A2M: variants seen among roughly 807,000 people sequenced by gnomAD.
The protein encoded by A2M is alpha-2-macroglobulin.
Under a neutral mutation model 183.9 loss-of-function variants are expected in A2M, and 128 were observed. The ratio of observed to expected loss-of-function variants is 0.70; its 90% CI spans 0.60 to 0.81. The LOEUF (loss-of-function observed/expected upper bound fraction) is 0.81. Among genes scored for constraint, A2M ranks in the 30% least tolerant of loss-of-function variants. The probability of loss-of-function intolerance (pLI) is 0.00; values close to 1 mark genes in which losing one functional copy is unlikely to be tolerated. For missense variants in A2M, 1,495 were observed against 1,787.6 expected (o/e 0.84, Z 2.95); for synonymous variants, 592 against 670.8 (o/e 0.88, Z 1.81).
chr12:9,087,014 T>G (rs1164956997), intron 22 of A2M, among the ~76,000 whole-genome samples: 1 of 151,884 alleles, frequency 6.6e-6, no homozygotes, highest in Admixed American at 6.5e-5. Context: ...GAGAAAGAAA[T>G]AAAAACAATC....
At chr12:9,107,861 CT>C (rs1408088798) in intron 7 of A2M, among the ~76,000 whole-genome samples, 5 of 151,782 alleles carry the variant, frequency 3.3e-5, no homozygotes, top group East Asian at 1.9e-4. Context: ...TTTATCATTT[CT>C]TTTTTTTCCT....
In A2M at chr12:9,080,058, G is replaced by A. The variant is rs1168234318; in HGVS notation, c.2854+36C>T. 5 of 1,367,926 alleles carry A rather than the reference G, an allele frequency of 3.7e-6. No homozygotes were observed. In the African/African-American group the frequency reaches 5.9e-5, roughly 16 times the overall value. 84.7% of individuals were successfully genotyped at this position (1,367,926 alleles called of 1,614,324 possible). The stretch of plus-strand genomic sequence containing the variant: ...AAATAAAAATAGTATAATAGAAGCT[G>A]TTAATGCCCGGATCCACTAGGGGCT... On this transcript the variant is annotated intron_variant, in intron 23 of 35. Transcript: ENST00000318602.
intron 31 of A2M, 72 bp from the exon 32 acceptor site, chr12:9,070,650 T>C: frequency 9.7e-7 from 1 of 1,028,224 alleles, no homozygotes; most frequent in Non-Finnish European, 1.5e-6. Context: ...ATGTCCATGT[T>C]AAGCATTCCA....
rs767786960 is a variant in A2M at position 9,074,724 on chromosome 12, C to T, written c.3592G>A (p.Glu1198Lys). ...ACCTCAGCAGAGGGAGCCTGGGGTT[C>T]GTAAAAATGCCCCACTGGTGCCTTG... ...KPKAPVGHFY[E>K]PQAPSAEVEM... Residue 1198 changes from glutamate (E) to lysine (K), a missense_variant, in exon 29 of 36, where the codon GAA becomes AAA. By Grantham distance (56) the Glu-to-Lys change is moderately conservative (BLOSUM62 1). Coordinates refer to ENST00000318602, the MANE Select transcript of A2M (RefSeq NM_000014.6). 27 of 1,613,708 alleles carry T rather than the reference C, an allele frequency of 1.7e-5. No homozygotes were observed. The highest frequency in any genetic ancestry group is 1.2e-4 in the South Asian group (11 of 90,968).
rs763848625 is a variant in A2M at position 9,110,011 on chromosome 12, G to T, written c.529C>A (p.Gln177Lys). 1 of 1,612,478 alleles carries T rather than the reference G, an allele frequency of 6.2e-7. No homozygotes were observed. Among genetic ancestry groups the T allele is most frequent in the Middle Eastern group, 1.7e-4 (1 of 6,054 alleles). ...CCCTCTAACTGGAAACTCTGCCATT[G>T]TGCGATGCGATTTCCTTTGGGATCC... The part of the protein sequence containing the change: ...IQDPKGNRIA[Q>K]WQSFQLEGGL... Residue 177 changes from glutamine to lysine, a missense_variant, in exon 6 of 36, where the codon CAA becomes AAA. Transcript: ENST00000318602.
At chr12:9,111,664 A>T in intron 4 of A2M, 1 of 390,906 alleles carries the variant, frequency 2.6e-6, no homozygotes, top group Non-Finnish European at 4.9e-6. Context: ...TGAAGAAGTT[A>T]ATTTGGGAGA....
chr12:9,111,427 C>A, intron 4 of A2M: 2 of 425,876 alleles, frequency 4.7e-6, no homozygotes, highest in Non-Finnish European at 4.7e-6. Flanking sequence ...AGCTGGGAGA[C>A]CACTTTGAAG....
chr12:9,093,417 G>T (rs1488834215), intron 18 of A2M, 48 bp downstream of exon 18: 2 of 1,301,682 alleles, frequency 1.5e-6, no homozygotes, highest in South Asian at 1.2e-5. Flanking sequence ...GTTGAAAATA[G>T]TCAGGGACCT....
chr12:9,087,066 A>G (rs144178456), intron 22 of A2M, among the ~76,000 whole-genome samples: 3 of 152,330 alleles, frequency 2.0e-5, no homozygotes, highest in African/African-American at 7.2e-5. Context: ...AATAAATCTA[A>G]TCAAGGAGGT....
chr12:9,080,325 A>G (rs1380648667), intron 22 of A2M, 148 bp from the exon 23 acceptor site: 2 of 422,742 alleles, frequency 4.7e-6, no homozygotes, highest in African/African-American at 2.1e-5. Context: ...TAATATATAA[A>G]TATCTTAAAA....
At chr12:9,092,570 C>T (rs1489133932) in intron 18 of A2M, among the ~76,000 whole-genome samples, 2 of 152,210 alleles carry the variant, frequency 1.3e-5, no homozygotes, top group African/African-American at 4.8e-5. Flanking sequence ...GCCATTCCGG[C>T]TCTTTCTCTC....
At position 9,090,379 on chromosome 12, in the gene A2M, C is replaced by T. The variant is rs1949173772; in HGVS notation, c.2573G>A (p.Trp858Ter). ...ICANGRQTVS[W>*]AVTPKSLGNV... ...ACCTAATGACTTTGGGGTTACTGCC[C>T]AGGACACAGTTTGCCGCCCGTTTGC... Residue 858 changes from tryptophan (W) to a stop codon, truncating the protein, a stop_gained, in exon 20 of 36, where the codon TGG becomes TAG. Transcript: ENST00000318602. LOFTEE classifies it high-confidence loss of function. The T allele has an allele frequency of 2.5e-6, 4 of 1,613,970 alleles. No individual in the cohort carries two copies. Among genetic ancestry groups the T allele is most frequent in the East Asian group, 2.2e-5 (1 of 44,880 alleles).
At position 9,112,495 on chromosome 12, in the gene A2M, AG is replaced by A; in HGVS notation, c.311del (p.Thr104MetfsTer4). On this transcript the variant is annotated frameshift_variant, in exon 3 of 36. Transcript: ENST00000318602. LOFTEE classifies it high-confidence loss of function. Reference sequence around the variant, plus strand: ...CTTGGGTTGGTCCTTTCACTTGGACAGTGAGGAACATTACCTCCTCATTGGA... The same window carrying A: ...CTTGGGTTGGTCCTTTCACTTGGACATGAGGAACATTACCTCCTCATTGGA... ...SSSNEEVMFL[T>X]VQVKGPTQEF... 6.2e-7 allele frequency: 1 copy of A among 1,613,804 alleles called. No individual in the cohort carries two copies. Among genetic ancestry groups the A allele is most frequent in the Non-Finnish European group, 8.5e-7 (1 of 1,179,794 alleles).
chr12:9,112,955 T>C (rs1938852756), intron 2 of A2M, among the ~76,000 whole-genome samples: 1 of 152,146 alleles, frequency 6.6e-6, no homozygotes, highest in Non-Finnish European at 1.5e-5. Context: ...TATTACACCT[T>C]TGCTCAGGGT....
At chr12:9,095,438 A>C in intron 16 of A2M, 101 bp downstream of exon 16, 1 of 1,152,114 alleles carries the variant, frequency 8.7e-7, no homozygotes, top group Admixed American at 2.4e-5. Flanking sequence ...ATATCCCATT[A>C]CCCTCAACTA....
At chr12:9,106,389 G>T in intron 9 of A2M, 44 bp from the exon 10 acceptor site, 1 of 1,490,906 alleles carries the variant, frequency 6.7e-7, no homozygotes, top group Non-Finnish European at 9.3e-7. Flanking sequence ...GAAGAATGAT[G>T]TCTCTAAAAT....
Position 9,093,526 on chromosome 12 carries a change from G to A in A2M, c.2179C>T (p.His727Tyr). 1 of 1,613,428 alleles carries A rather than the reference G, an allele frequency of 6.2e-7. No homozygotes were observed. Among genetic ancestry groups the A allele is most frequent in the South Asian group, 1.1e-5 (1 of 90,920 alleles). The change falls in exon 18 of 36, where the codon CAC becomes TAC. Residue 727 changes from histidine to tyrosine, a missense_variant. Coordinates refer to ENST00000318602, the MANE Select transcript of A2M (RefSeq NM_000014.6). ...HARLVHVEEP[H>Y]TETVRKYFPE... ...AAGTACTTTCGTACGGTCTCCGTGT[G>A]AGGCTCTTCAACATGCACCAGGCGT...
chr12:9,068,636 T>C (rs1948466418), intron 34 of A2M, 104 bp downstream of exon 34: 1 of 918,026 alleles, frequency 1.1e-6, no homozygotes, highest in Non-Finnish European at 1.7e-6. Context: ...AATGAAGTGA[T>C]AATGTAATTA....
chr12:9,104,881 C>T (rs1461169425), intron 10 of A2M, among the ~76,000 whole-genome samples: 1 of 152,142 alleles, frequency 6.6e-6, no homozygotes, highest in African/African-American at 2.4e-5. Context: ...AGATTAGTGT[C>T]TGAAGTCTCA....
Sources: allele counts gnomAD v4.1 joint callset (sites outside exome capture counted in the v4.1 genomes callset), GRCh38; gene constraint gnomAD v4.1.1; transcripts MANE v1.5; gene names NCBI Gene and HGNC (gene_info 2026-07-23, HGNC 2026-07-21).